CSGALNACT1: variants seen among roughly 807,000 people sequenced by gnomAD.
CSGALNACT1 encodes beta4GalNAcT-1.
Under a neutral mutation model 51.0 loss-of-function variants are expected in CSGALNACT1, and 52 were observed. The observed-to-expected ratio is 1.02, with a 90% CI of 0.82 to 1.29. The LOEUF is 1.29. Among genes scored for constraint, CSGALNACT1 ranks in the 50% most tolerant of loss-of-function variants. The pLI, the probability that CSGALNACT1 is intolerant of heterozygous loss-of-function variation, is 0.00. For missense variants in CSGALNACT1, 935 were observed against 679.2 expected, an observed-to-expected ratio of 1.38 and a Z score of -4.19; for synonymous variants, 341 against 254.4, an observed-to-expected ratio of 1.34 and a Z score of -3.24.
chr8:19,523,390 G>A (rs1182215758), intron 3 of CSGALNACT1, among the ~76,000 whole-genome samples: 3 of 152,132 alleles, frequency 2.0e-5, no homozygotes, highest in Non-Finnish European at 2.9e-5. Flanking sequence ...TCGGCCTCTG[G>A]AGGAGCAGGG....
intron 1 of CSGALNACT1, among the ~76,000 whole-genome samples, chr8:19,698,339 C>A (rs1466849966): frequency 6.6e-6 from 1 of 152,216 alleles, no homozygotes; most frequent in Non-Finnish European, 1.5e-5. Flanking sequence ...CAGCTGTGAA[C>A]ATTGAGAATA....
Position 19,458,332 on chromosome 8 carries a change from C to T in CSGALNACT1, c.851+94G>A, listed in dbSNP as rs544897882. 6.1e-4 allele frequency: 637 copies of T among 1,050,924 alleles called. 1 individual carries two copies. The highest frequency in any genetic ancestry group is 8.9e-4 in the Non-Finnish European group (593 of 667,214). The allele number at this position is 1,050,924 out of a possible 1,614,324, so 65.1% of individuals were successfully genotyped here. The stretch of plus-strand genomic sequence containing the variant: ...TGAATAAGAGAAAGGAGGCTTTGTA[C>T]TCGGCAGGGGAAATGAAGGAGATGA... On this transcript the variant is annotated intron_variant, in intron 5 of 9. Transcript: ENST00000454498.
intron 6 of CSGALNACT1, among the ~76,000 whole-genome samples, chr8:19,433,691 G>A (rs533226894): frequency 6.6e-6 from 1 of 152,302 alleles, no homozygotes; most frequent in East Asian, 1.9e-4. Context: ...TGGTTGTGAT[G>A]TTTTAAAGCA....
intron 1 of CSGALNACT1, among the ~76,000 whole-genome samples, chr8:19,722,701 C>T (rs1218478509): frequency 6.6e-6 from 1 of 152,196 alleles, no homozygotes; most frequent in East Asian, 1.9e-4. Context: ...TGGCCTTGCA[C>T]TCTCACCGAG....
At chr8:19,644,391 G>C (rs1162279160) in intron 1 of CSGALNACT1, among the ~76,000 whole-genome samples, 1 of 147,676 alleles carries the variant, frequency 6.8e-6, no homozygotes, top group Non-Finnish European at 1.5e-5. Context: ...CTGAAAAACA[G>C]TTCTTAACCT....
chr8:19,657,254 TAAACTGAAAGATAAACTGAAA>T (rs1308156628), intron 1 of CSGALNACT1, among the ~76,000 whole-genome samples: 19 of 146,560 alleles, frequency 1.3e-4, no homozygotes, highest in African/African-American at 5.2e-4. Context: ...AACTGAAAGA[TAAACTGAAAGATAAACTGAAA>T]GATAAACTGA....
intron 5 of CSGALNACT1, chr8:19,457,737 T>G: frequency 7.4e-7 from 1 of 1,348,276 alleles, no homozygotes; most frequent in Non-Finnish European, 9.8e-7. Flanking sequence ...TATGTGCATC[T>G]GAGCCATCAC....
intron 1 of CSGALNACT1, among the ~76,000 whole-genome samples, chr8:19,627,034 C>T (rs1023352991): frequency 3.3e-5 from 5 of 152,162 alleles, no homozygotes; most frequent in Non-Finnish European, 5.9e-5. Context: ...GCATATGACT[C>T]AGCAGTCATA....
At chr8:19,437,937 C>T (rs1437353222) in intron 6 of CSGALNACT1, among the ~76,000 whole-genome samples, 1 of 152,144 alleles carries the variant, frequency 6.6e-6, no homozygotes, top group Non-Finnish European at 1.5e-5. Context: ...ATTCACCTTG[C>T]CAGGTAATTT....
intron 1 of CSGALNACT1, among the ~76,000 whole-genome samples, chr8:19,670,584 G>A (rs1220796512): frequency 7.9e-6 from 1 of 126,544 alleles, no homozygotes; most frequent in Non-Finnish European, 1.6e-5. Flanking sequence ...GGAAACCAAG[G>A]ATCAACCGAC....
At chr8:19,430,851 A>T (rs1437983390) in intron 6 of CSGALNACT1, among the ~76,000 whole-genome samples, 1 of 152,140 alleles carries the variant, frequency 6.6e-6, no homozygotes, top group Non-Finnish European at 1.5e-5. Context: ...GCCTTCTTTA[A>T]TTCCTTTCAA....
At chr8:19,571,774 T>C (rs1019762285) in intron 3 of CSGALNACT1, among the ~76,000 whole-genome samples, 1 of 152,164 alleles carries the variant, frequency 6.6e-6, no homozygotes, top group African/African-American at 2.4e-5. Flanking sequence ...AAACCTACAG[T>C]CCCTCAGCAA....
chr8:19,531,406 A>G (rs2082738372), intron 3 of CSGALNACT1, among the ~76,000 whole-genome samples: 1 of 152,186 alleles, frequency 6.6e-6, no homozygotes, highest in South Asian at 2.1e-4. Flanking sequence ...GCAGGGCAGG[A>G]GGCAGAACAC....
intron 4 of CSGALNACT1, among the ~76,000 whole-genome samples, chr8:19,474,670 A>G (rs1438392527): frequency 6.6e-6 from 1 of 151,960 alleles, no homozygotes; most frequent in African/African-American, 2.4e-5. Flanking sequence ...GGAGTTCGAG[A>G]CCAGCCTAAC....
At chr8:19,546,481 A>G (rs1389983014) in intron 3 of CSGALNACT1, among the ~76,000 whole-genome samples, 4 of 152,204 alleles carry the variant, frequency 2.6e-5, no homozygotes, top group Non-Finnish European at 4.4e-5. Flanking sequence ...CTACTCTTCA[A>G]TGAAATAGGG....
chr8:19,625,583 C>T (rs1321827692), intron 1 of CSGALNACT1, among the ~76,000 whole-genome samples: 2 of 152,098 alleles, frequency 1.3e-5, no homozygotes, highest in Non-Finnish European at 2.9e-5. Context: ...ATTAGAATAT[C>T]CAGGGCTGGA....
intron 5 of CSGALNACT1, among the ~76,000 whole-genome samples, chr8:19,453,699 G>C (rs1023553263): frequency 1.3e-5 from 2 of 152,134 alleles, no homozygotes; most frequent in Non-Finnish European, 2.9e-5. Context: ...ATCCCCTGAG[G>C]TCAGGAGTTC....
intron 3 of CSGALNACT1, among the ~76,000 whole-genome samples, chr8:19,513,436 C>CTCTCTCTCTCTCTCTCTCTCTATA: frequency 2.4e-5 from 2 of 81,980 alleles, no homozygotes; most frequent in Non-Finnish European, 5.1e-5. Context: ...CTCTCTCTCT[C>CTCTCTCTCTCTCTCTCTCTCTATA]TATATATATA....
At chr8:19,515,171 G>A (rs1330877638) in intron 3 of CSGALNACT1, among the ~76,000 whole-genome samples, 5 of 151,824 alleles carry the variant, frequency 3.3e-5, no homozygotes, top group Admixed American at 3.3e-4. Flanking sequence ...CCTAGCACCT[G>A]CTGTCAGGCC....
Sources: allele counts gnomAD v4.1 joint callset (sites outside exome capture counted in the v4.1 genomes callset), GRCh38; gene constraint gnomAD v4.1.1; transcripts MANE v1.5; gene names NCBI Gene and HGNC (gene_info 2026-07-23, HGNC 2026-07-21).